Variants in DNAH6 observed in about 807,000 individuals in gnomAD.
DNAH6 encodes the protein axonemal beta dynein heavy chain 6.
A neutral mutation model predicts 491.4 loss-of-function variants in DNAH6; 340 were observed. The observed-to-expected ratio is 0.69, with a 90% confidence interval of 0.63 to 0.76. The LOEUF (loss-of-function observed/expected upper bound fraction) is 0.76. Among genes scored for constraint, DNAH6 ranks in the 30% least tolerant of loss-of-function variants. The probability of loss-of-function intolerance (pLI) is 0.00; values close to 1 mark genes in which losing one functional copy is unlikely to be tolerated. For synonymous variants in DNAH6, 1,603 were observed against 1,686.1 expected (o/e 0.95, Z 1.21); for missense variants, 4,443 against 4,972.2 (o/e 0.89, Z 3.20).
chr2:84,691,866 T>G (rs1350859980), intron 45 of DNAH6, among the ~76,000 whole-genome samples: 1 of 152,254 alleles, frequency 6.6e-6, no homozygotes, highest in African/African-American at 2.4e-5. Context: ...GGGCAGGATT[T>G]GGCCCACAGG....
chr2:84,521,886 T>C (rs1229142724), intron 2 of DNAH6, among the ~76,000 whole-genome samples: 1 of 152,196 alleles, frequency 6.6e-6, no homozygotes, highest in Non-Finnish European at 1.5e-5. Flanking sequence ...CCCTGTAGTA[T>C]AGTTTGAAGT....
Position 84,784,789 on chromosome 2 carries a change from A to C in DNAH6, c.10932A>C (p.Thr3644=), listed in dbSNP as rs1450075442. ...SSMPSNTFPV[T]VLQNSVKVTN... ...TGCCTAGTAATACATTTCCTGTTACAGTTCTTCAAAATTCTGTCAAGGTAA... is the reference window on the plus strand; with the variant it reads ...TGCCTAGTAATACATTTCCTGTTACCGTTCTTCAAAATTCTGTCAAGGTAA... Residue 3644 remains threonine, a synonymous_variant, in exon 66 of 77, where the codon ACA becomes ACC. Transcript: ENST00000389394. 6.5e-7 allele frequency: 1 copy of C among 1,549,682 alleles called. No homozygotes were observed. Among genetic ancestry groups the C allele is most frequent in the East Asian group, 2.4e-5 (1 of 40,912 alleles).
chr2:84,811,769 G>A (rs1679998844), intron 72 of DNAH6, among the ~76,000 whole-genome samples: 1 of 151,544 alleles, frequency 6.6e-6, no homozygotes, highest in Non-Finnish European at 1.5e-5. Flanking sequence ...ACTGAGACAG[G>A]AGAATCACTT....
Position 84,573,544 on chromosome 2 carries a change from A to T in DNAH6, c.1881A>T (p.Glu627Asp). 6.3e-7 allele frequency: 1 copy of T among 1,590,938 alleles called. No individual in the cohort carries two copies. Among genetic ancestry groups the T allele is most frequent in the Non-Finnish European group, 8.5e-7 (1 of 1,173,618 alleles). Residue 627 changes from glutamate (E) to aspartate (D), a missense_variant, in exon 12 of 77, where the codon GAA becomes GAT. Glu to Asp is a conservative substitution (Grantham distance 45). This residue lies in a region of DNAH6 where 2,977 missense variants were observed against 3,296.6 expected (regional missense o/e 0.90). Transcript: ENST00000389394. ...TFEKFQIFFK[E>D]NESLDLQALK... ...AAAAGTTCCAGATATTCTTCAAGGA[A>T]AATGAAAGTCTTGATTTACAAGCTC...
intron 64 of DNAH6, chr2:84,777,431 A>G (rs1393993689): frequency 8.5e-6 from 5 of 588,554 alleles, no homozygotes; most frequent in Non-Finnish European, 1.6e-5. Flanking sequence ...ACCCTTAATC[A>G]TGGTGGAAAT....
At chr2:84,574,191 T>C (rs1298030025) in intron 12 of DNAH6, among the ~76,000 whole-genome samples, 6 of 152,116 alleles carry the variant, frequency 3.9e-5, no homozygotes, top group Non-Finnish European at 7.4e-5. Context: ...TATTCTTTTT[T>C]ATTTCATGAG....
In DNAH6 at chr2:84,694,406, G is replaced by A; in HGVS notation, c.7450G>A (p.Glu2484Lys). ...SRGYNYDSFH[E>K]DLRKLYKMAG... ...GGGATATAATTATGATAGTTTTCAT[G>A]AAGACCTGAGGAAGTTGTACAAAAT... is the stretch of plus-strand genomic sequence containing the variant. Residue 2484 changes from glutamate to lysine, a missense_variant, in exon 46 of 77, where the codon GAA becomes AAA. Physicochemically the swap from Glu to Lys is moderately conservative, Grantham distance 56. Transcript: ENST00000389394. 6.4e-7 allele frequency: 1 copy of A among 1,552,322 alleles called. No homozygotes were observed. The highest frequency in any genetic ancestry group is 1.2e-5 in the South Asian group (1 of 84,062).
chr2:84,705,837 A>G, intron 52 of DNAH6, 90 bp downstream of exon 52: 1 of 1,378,636 alleles, frequency 7.3e-7, no homozygotes, highest in Non-Finnish European at 9.6e-7. Context: ...CTGTGGTCCT[A>G]CGCAATATAG....
At chr2:84,475,244 A>C in the DNAH6 span, among the ~76,000 whole-genome samples, 9 of 152,170 alleles carry the variant, frequency 5.9e-5, no homozygotes, top group African/African-American at 2.2e-4. Context: ...TGTGCTGCAG[A>C]GGTTTACAAC....
intron 22 of DNAH6, among the ~76,000 whole-genome samples, chr2:84,616,386 C>T (rs1034041327): frequency 2.0e-5 from 3 of 151,972 alleles, no homozygotes. Context: ...TAGGTGCATA[C>T]ATATTTAGAA....
chr2:84,491,162 G>A, the DNAH6 span, among the ~76,000 whole-genome samples: 34 of 152,174 alleles, frequency 2.2e-4, no homozygotes, highest in African/African-American at 7.0e-4. Context: ...CATCCAGAGA[G>A]TGTATTTTTA....
At chr2:84,461,603 A>ATC in the DNAH6 span, among the ~76,000 whole-genome samples, 1 of 152,240 alleles carries the variant, frequency 6.6e-6, no homozygotes. Context: ...TCCCTATTTC[A>ATC]TAAGAGTGTT....
chr2:84,695,090 G>A (rs560868564), intron 46 of DNAH6, among the ~76,000 whole-genome samples: 9 of 152,012 alleles, frequency 5.9e-5, no homozygotes, highest in African/African-American at 1.9e-4. Context: ...AGAAAAAATT[G>A]GAAAAATATT....
intron 70 of DNAH6, among the ~76,000 whole-genome samples, chr2:84,805,386 G>A (rs1262083442): frequency 2.0e-5 from 3 of 152,156 alleles, no homozygotes; most frequent in Admixed American, 1.3e-4. Context: ...GGGAAATGGG[G>A]AGTTACTAAT....
At chr2:84,687,059 A>G (rs1447258558) in intron 44 of DNAH6, among the ~76,000 whole-genome samples, 5 of 152,224 alleles carry the variant, frequency 3.3e-5, no homozygotes, top group Non-Finnish European at 7.3e-5. Flanking sequence ...TTCATTTCAG[A>G]GTAACTCTAA....
At chr2:84,459,688 G>A in the DNAH6 span, 2 of 174,104 alleles carry the variant, frequency 1.1e-5, no homozygotes, top group South Asian at 1.1e-4. Flanking sequence ...GCGAAGAGCA[G>A]TGCCAGAACT....
chr2:84,489,299 G>A, the DNAH6 span, among the ~76,000 whole-genome samples: 1 of 152,006 alleles, frequency 6.6e-6, no homozygotes, highest in Non-Finnish European at 1.5e-5. Flanking sequence ...TTGAATCAGG[G>A]AGGCATCATT....
Position 84,549,296 on chromosome 2 carries a change from A to G in DNAH6, c.1317-593A>G, listed in dbSNP as rs561113969. On this transcript the variant is annotated intron_variant, in intron 8 of 76. Coordinates refer to ENST00000389394, the MANE Select transcript of DNAH6 (RefSeq NM_001370.2). Reference sequence around the variant, plus strand: ...ATGAAAATGTCTGTGTAGCAACAGAAATCAGTGAAGCGGTCTCTGAGGCTA... The same window carrying G: ...ATGAAAATGTCTGTGTAGCAACAGAGATCAGTGAAGCGGTCTCTGAGGCTA... Among the ~76,000 whole-genome samples the G allele has an allele frequency of 1.5e-3, 227 of 152,356 alleles. 4 individuals carry two copies. In the South Asian group the frequency reaches 0.046, roughly 31 times the overall value.
the DNAH6 span, among the ~76,000 whole-genome samples, chr2:84,505,202 G>A: frequency 6.6e-6 from 1 of 152,166 alleles, no homozygotes. Context: ...GGTTGATCAT[G>A]TATCCTGTGA....
Sources: gnomAD v4.1 joint callset for allele counts (sites outside exome capture counted in the v4.1 genomes callset) on GRCh38, gnomAD v4.1.1 for gene constraint, gnomAD v4.1.1 regional missense constraint, MANE v1.5 for transcripts, NCBI Gene and HGNC (gene_info 2026-07-23, HGNC 2026-07-21) for gene names.